PTPRT: variants seen among roughly 807,000 people sequenced by gnomAD.
PTPRT encodes protein tyrosine phosphatase receptor type T, also known as receptor-type tyrosine-protein phosphatase T.
PTPRT carries 56 observed loss-of-function variants against 176.8 expected under a neutral mutation model. The ratio of observed to expected loss-of-function variants is 0.32; its 90% CI spans 0.26 to 0.40. The LOEUF is 0.40. PTPRT is among the 10% of genes least tolerant of loss of function. The probability of loss-of-function intolerance (pLI) is 1.00; values close to 1 mark genes in which losing one functional copy is unlikely to be tolerated. For missense variants in PTPRT, 1,540 were observed against 1,908.2 expected (o/e 0.81, Z 3.60); for synonymous variants, 783 against 739.0 (o/e 1.06, Z -0.96).
intron 1 of PTPRT, among the ~76,000 whole-genome samples, chr20:43,091,897 AT>A (rs1456228197): frequency 1.3e-5 from 2 of 152,204 alleles, no homozygotes; most frequent in African/African-American, 4.8e-5. Flanking sequence ...GACAATTAGA[AT>A]ATAAGAAGCT....
At chr20:42,033,729 G>A in the PTPRT span, among the ~76,000 whole-genome samples, 1 of 152,080 alleles carries the variant, frequency 6.6e-6, no homozygotes, top group African/African-American at 2.4e-5. Flanking sequence ...GGATGGGAAG[G>A]GTGCCAACAT....
At chr20:42,360,906 C>G (rs1031333999) in intron 9 of PTPRT, among the ~76,000 whole-genome samples, 2 of 152,168 alleles carry the variant, frequency 1.3e-5, no homozygotes, top group Non-Finnish European at 2.9e-5. Context: ...AAGCACCCAG[C>G]TTGGCATAGA....
chr20:42,521,959 G>T (rs1308801223), intron 7 of PTPRT, among the ~76,000 whole-genome samples: 1 of 151,906 alleles, frequency 6.6e-6, no homozygotes, highest in Non-Finnish European at 1.5e-5. Context: ...GGCAATCCAG[G>T]TTGGTGTTCT....
chr20:42,826,330 G>A (rs2077992701), intron 2 of PTPRT, among the ~76,000 whole-genome samples: 1 of 152,194 alleles, frequency 6.6e-6, no homozygotes, highest in African/African-American at 2.4e-5. Context: ...ACATTCCAAT[G>A]TTCATCCATA....
At chr20:42,382,236 A>C (rs941552948) in intron 9 of PTPRT, among the ~76,000 whole-genome samples, 2 of 152,168 alleles carry the variant, frequency 1.3e-5, no homozygotes, top group African/African-American at 4.8e-5. Flanking sequence ...GCATCTATAG[A>C]GGAGACTTTG....
At chr20:42,577,867 GTA>G (rs1318293106) in intron 7 of PTPRT, among the ~76,000 whole-genome samples, 10 of 140,874 alleles carry the variant, frequency 7.1e-5, no homozygotes, top group African/African-American at 2.8e-4. Flanking sequence ...GTGTGTGTGT[GTA>G]CAGGCATACC....
At chr20:43,098,547 CTTT>C (rs752767685) in intron 1 of PTPRT, among the ~76,000 whole-genome samples, 5 of 141,858 alleles carry the variant, frequency 3.5e-5, no homozygotes, top group Admixed American at 7.1e-5. Flanking sequence ...TCTTTTTTTT[CTTT>C]TTTTTTTTTT....
At chr20:42,928,878 A>G (rs1411874283) in intron 1 of PTPRT, among the ~76,000 whole-genome samples, 1 of 152,182 alleles carries the variant, frequency 6.6e-6, no homozygotes, top group African/African-American at 2.4e-5. Flanking sequence ...CCCTCCAAGT[A>G]CTGACCCTGT....
the PTPRT span, among the ~76,000 whole-genome samples, chr20:42,065,808 A>G: frequency 6.6e-6 from 1 of 152,172 alleles, no homozygotes; most frequent in African/African-American, 2.4e-5. Flanking sequence ...ATACTGGTGA[A>G]CTCTAGTAAT....
chr20:42,433,709 T>A (rs544036447), intron 9 of PTPRT, among the ~76,000 whole-genome samples: 17 of 152,324 alleles, frequency 1.1e-4, no homozygotes, highest in African/African-American at 3.8e-4. Flanking sequence ...CATCCAAATG[T>A]GTATGTATTG....
chr20:42,204,903 C>T (rs1469742173), intron 15 of PTPRT, among the ~76,000 whole-genome samples: 2 of 151,664 alleles, frequency 1.3e-5, no homozygotes, highest in Non-Finnish European at 1.5e-5. Flanking sequence ...CTTCATGCAT[C>T]TGATGGTTGG....
At chr20:42,100,284 G>A (rs982209935) in intron 26 of PTPRT, among the ~76,000 whole-genome samples, 4 of 152,204 alleles carry the variant, frequency 2.6e-5, no homozygotes, top group Non-Finnish European at 4.4e-5. Context: ...GGGTTTCAGG[G>A]ATCAGCCGGC....
At chr20:42,348,433 C>T (rs938508335) in intron 11 of PTPRT, among the ~76,000 whole-genome samples, 5 of 150,742 alleles carry the variant, frequency 3.3e-5, no homozygotes, top group Admixed American at 1.3e-4. Context: ...CAAAATATAT[C>T]ATGCACACCT....
intron 15 of PTPRT, among the ~76,000 whole-genome samples, chr20:42,226,169 G>T (rs1161629753): frequency 6.6e-6 from 1 of 152,174 alleles, no homozygotes; most frequent in Non-Finnish European, 1.5e-5. Flanking sequence ...CTCCTTGAGA[G>T]GGTATTTCTT....
intron 16 of PTPRT, among the ~76,000 whole-genome samples, chr20:42,196,310 G>A (rs1255776106): frequency 6.6e-6 from 1 of 152,198 alleles, no homozygotes; most frequent in African/African-American, 2.4e-5. Context: ...CAGAGACTCA[G>A]TGAGCTCCTG....
In PTPRT at chr20:42,078,124, G is replaced by A. The variant is rs1279134695; in HGVS notation, c.*2755C>T. ...GCAGGCCCAGTGGGGGTGGGTCCCC[G>A]GGGTCTGCTGAAATACACCTGGGGA... is the stretch of plus-strand genomic sequence containing the variant. On this transcript the variant is annotated 3_prime_UTR_variant, in exon 31 of 31. Transcript: ENST00000373187. The A allele has an allele frequency of 3.2e-5, 6 of 187,960 alleles. No homozygotes were observed. Among genetic ancestry groups the A allele is most frequent in the South Asian group, 2.0e-4 (1 of 5,122 alleles). 11.6% of individuals were successfully genotyped at this position (187,960 alleles called of 1,614,324 possible).
intron 6 of PTPRT, among the ~76,000 whole-genome samples, chr20:42,703,069 G>C (rs538762191): frequency 6.6e-6 from 1 of 152,282 alleles, no homozygotes; most frequent in Admixed American, 6.5e-5. Flanking sequence ...CCATAGTTTA[G>C]GGATGGACAC....
At chr20:42,902,099 T>C (rs1171462922) in intron 1 of PTPRT, among the ~76,000 whole-genome samples, 1 of 152,216 alleles carries the variant, frequency 6.6e-6, no homozygotes, top group Non-Finnish European at 1.5e-5. Context: ...AACCAGGAGA[T>C]GGATGACGGC....
intron 7 of PTPRT, among the ~76,000 whole-genome samples, chr20:42,603,485 T>C (rs1051559224): frequency 1.3e-5 from 2 of 152,116 alleles, no homozygotes; most frequent in Non-Finnish European, 2.9e-5. Context: ...GCATAGTGCA[T>C]GGCCAGGAGA....
Sources: allele counts gnomAD v4.1 joint callset (sites outside exome capture counted in the v4.1 genomes callset), GRCh38; gene constraint gnomAD v4.1.1; transcripts MANE v1.5; gene names NCBI Gene and HGNC (gene_info 2026-07-23, HGNC 2026-07-21).